ZFHX3: variants seen among roughly 807,000 people sequenced by gnomAD.
The protein encoded by ZFHX3 is zinc finger homeobox protein 3.
Under a neutral mutation model 279.1 loss-of-function variants are expected in ZFHX3, and 42 were observed. That is an observed-to-expected ratio of 0.15 (90% CI 0.12 to 0.19). ZFHX3 has a LOEUF of 0.19. ZFHX3 is among the 10% of genes least tolerant of loss of function. The pLI, the probability that ZFHX3 is intolerant of heterozygous loss-of-function variation, is 1.00. For missense variants in ZFHX3, 4,981 were observed against 4,754.0 expected (o/e 1.05, Z -1.40); for synonymous variants, 2,293 against 1,957.8 (o/e 1.17, Z -4.52).
chr16:73,549,010 C>T (rs967186992), intron 2 of ZFHX3, among the ~76,000 whole-genome samples: 2 of 152,018 alleles, frequency 1.3e-5, no homozygotes, highest in South Asian at 2.1e-4. Flanking sequence ...AATGTATATG[C>T]AATTTTAGTT....
rs550087325 is a variant in ZFHX3, at chr16:73,719,031, C to A, written c.-1607-38791G>T. On this transcript the variant is annotated intron_variant, in intron 1 of 17. Transcript: ENST00000641206. The stretch of plus-strand genomic sequence containing the variant: ...TATTTCTGCTTAAGGCTGCCTGATT[C>A]TTTGTCACCCTTGATGTCACATGTT... Among the ~76,000 whole-genome samples, 10 of 152,298 alleles carry A rather than the reference C, an allele frequency of 6.6e-5. No homozygotes were observed. In the South Asian group the frequency reaches 1.5e-3, roughly 22 times the overall value.
At chr16:73,486,935 G>A (rs1446812566) in intron 2 of ZFHX3, 5 of 443,912 alleles carry the variant, frequency 1.1e-5, no homozygotes, top group African/African-American at 8.1e-5. Context: ...TAAGGCCAAG[G>A]CAATTTGGGT....
intron 3 of ZFHX3, among the ~76,000 whole-genome samples, chr16:73,348,453 T>C (rs2143277638): frequency 6.6e-6 from 1 of 152,292 alleles, no homozygotes; most frequent in South Asian, 2.1e-4. Context: ...CCTGAAAGAA[T>C]TCCGTTCAAT....
At chr16:72,947,868 T>C (rs1307949519) in intron 3 of ZFHX3, among the ~76,000 whole-genome samples, 1 of 152,186 alleles carries the variant, frequency 6.6e-6, no homozygotes, top group Non-Finnish European at 1.5e-5. Flanking sequence ...GCCGGGCTAA[T>C]GGATTACATT....
intron 2 of ZFHX3, among the ~76,000 whole-genome samples, chr16:73,659,619 A>G (rs2052759225): frequency 6.6e-6 from 1 of 152,162 alleles, no homozygotes; most frequent in African/African-American, 2.4e-5. Context: ...AAATAGAAAT[A>G]CAGTATTCTT....
intron 1 of ZFHX3, among the ~76,000 whole-genome samples, chr16:73,054,450 T>A (rs1208881729): frequency 1.4e-5 from 2 of 145,930 alleles, no homozygotes; most frequent in African/African-American, 5.0e-5. Context: ...GGATTTTTTT[T>A]TTTTTTTTTT....
intron 8 of ZFHX3, among the ~76,000 whole-genome samples, chr16:73,083,835 A>T (rs1362315926): frequency 1.3e-5 from 2 of 151,972 alleles, no homozygotes; most frequent in African/African-American, 4.8e-5. Flanking sequence ...GGCCTTTCCT[A>T]TTTCTTTCCT....
chr16:72,801,237 T>C (rs536331577), intron 7 of ZFHX3, among the ~76,000 whole-genome samples: 1 of 152,260 alleles, frequency 6.6e-6, no homozygotes, highest in South Asian at 2.1e-4. Context: ...ACCACTAACC[T>C]TTCTACGTGG....
At chr16:73,313,151 G>A (rs969110304) in intron 4 of ZFHX3, among the ~76,000 whole-genome samples, 9 of 152,086 alleles carry the variant, frequency 5.9e-5, no homozygotes, top group South Asian at 2.1e-4. Context: ...CCCTTTTCTC[G>A]CTCTCTCTCC....
intron 1 of ZFHX3, among the ~76,000 whole-genome samples, chr16:73,811,520 C>G (rs111925838): frequency 1.3e-3 from 188 of 148,366 alleles, no homozygotes; most frequent in African/African-American, 4.6e-3. Context: ...TCTCAGCTCA[C>G]TGTAACCTCT....
At chr16:73,322,135 A>C (rs972467957) in intron 3 of ZFHX3, among the ~76,000 whole-genome samples, 1 of 152,184 alleles carries the variant, frequency 6.6e-6, no homozygotes, top group Non-Finnish European at 1.5e-5. Context: ...CTCGGAGAGC[A>C]GAGGGAGGAA....
At chr16:73,232,285 C>T (rs1199436184) in intron 5 of ZFHX3, 1 of 152,196 alleles carries the variant, frequency 6.6e-6, no homozygotes, top group Non-Finnish European at 1.5e-5. Flanking sequence ...AATTTACAAA[C>T]ATTTTCCCCA....
intron 4 of ZFHX3, among the ~76,000 whole-genome samples, chr16:73,282,112 G>A (rs1358180040): frequency 1.3e-5 from 2 of 152,168 alleles, no homozygotes; most frequent in Non-Finnish European, 2.9e-5. Context: ...CCAGATATTT[G>A]TTTGCAAAGT....
intron 2 of ZFHX3, among the ~76,000 whole-genome samples, chr16:73,660,945 G>A (rs576646016): frequency 1.3e-4 from 20 of 152,256 alleles, no homozygotes; most frequent in African/African-American, 3.4e-4. Flanking sequence ...TGATCTACAC[G>A]TATCTACTGA....
rs541494515 is a variant in ZFHX3, at chr16:73,014,763, C to T, written c.-50+32989G>A. Reference sequence around the variant, plus strand: ...TCCTGACCTCATGATCCACCTGCCTCGGCCTCCCAAAGTGCTGGGATTACA... The same window carrying T: ...TCCTGACCTCATGATCCACCTGCCTTGGCCTCCCAAAGTGCTGGGATTACA... On this transcript the variant is annotated intron_variant, in intron 1 of 9. Transcript: ENST00000268489. Among the ~76,000 whole-genome samples the T allele has an allele frequency of 7.4e-4, 112 of 152,014 alleles. 1 individual carries two copies. In the Middle Eastern group the frequency reaches 0.01, roughly 14 times the overall value.
chr16:73,105,665 A>G (rs1966295047), intron 7 of ZFHX3, among the ~76,000 whole-genome samples: 1 of 152,100 alleles, frequency 6.6e-6, no homozygotes, highest in Non-Finnish European at 1.5e-5. Context: ...AGGCAGGAGA[A>G]TCACTTGATT....
At chr16:72,839,201 C>A (rs1020860451) in intron 4 of ZFHX3, among the ~76,000 whole-genome samples, 1 of 152,026 alleles carries the variant, frequency 6.6e-6, no homozygotes, top group Non-Finnish European at 1.5e-5. Flanking sequence ...CCCTTCCCCC[C>A]CCCATTTTCC....
At chr16:73,738,164 C>A (rs903799181) in intron 1 of ZFHX3, among the ~76,000 whole-genome samples, 1 of 152,166 alleles carries the variant, frequency 6.6e-6, no homozygotes, top group Non-Finnish European at 1.5e-5. Flanking sequence ...AGTTTGGGGA[C>A]CTGTTGGGCA....
intron 1 of ZFHX3, among the ~76,000 whole-genome samples, chr16:73,776,230 A>C (rs1959241396): frequency 6.6e-6 from 1 of 152,162 alleles, no homozygotes; most frequent in Non-Finnish European, 1.5e-5. Flanking sequence ...CTTTCTTTGC[A>C]CAGCATGTCT....
Sources: allele counts gnomAD v4.1 joint callset (sites outside exome capture counted in the v4.1 genomes callset), GRCh38; gene constraint gnomAD v4.1.1; transcripts MANE v1.5; gene names NCBI Gene and HGNC (gene_info 2026-07-23, HGNC 2026-07-21).